The following AP1G1 variants were observed in gnomAD, a reference collection of about 807,000 sequenced individuals.
AP1G1 encodes adaptor related protein complex 1 subunit gamma 1.
In AP1G1, 7 loss-of-function variants were observed where a neutral mutation model predicts 108.3. That is an observed-to-expected ratio of 0.06 (90% CI 0.04 to 0.12). The LOEUF is 0.12. Ranked by LOEUF, AP1G1 falls within the 10% of genes least tolerant of loss-of-function variation. The pLI is 1.00. For missense variants in AP1G1, 756 were observed against 1,010.7 expected, an observed-to-expected ratio of 0.75 and a Z score of 3.42; for synonymous variants, 379 against 353.5, an observed-to-expected ratio of 1.07 and a Z score of -0.81.
chr16:71,746,435 T>C (rs1024355377), intron 17 of AP1G1, among the ~76,000 whole-genome samples, 153 bp downstream of exon 17: 2 of 152,180 alleles, frequency 1.3e-5, no homozygotes, highest in South Asian at 2.1e-4. Context: ...GAATAGAAGA[T>C]GGACAAAACA....
At chr16:71,735,895 C>G (rs958769573) in intron 21 of AP1G1, among the ~76,000 whole-genome samples, 4 of 150,634 alleles carry the variant, frequency 2.7e-5, no homozygotes, top group Admixed American at 6.6e-5. Context: ...CTTTGGGAGG[C>G]CAAGGCGGGC....
At position 71,788,187 on chromosome 16, in the gene AP1G1, G is replaced by A. The variant is rs549082279; in HGVS notation, c.201+1092C>T. On this transcript the variant is annotated intron_variant, in intron 2 of 22. Transcript: ENST00000299980. The stretch of plus-strand genomic sequence containing the variant: ...GAGATCTCCTTCCACTGAAATTACT[G>A]ACCTAAACAGTAAATAAGCTGATGA... Among the ~76,000 whole-genome samples, 12 of 152,214 alleles carry A rather than the reference G, an allele frequency of 7.9e-5. No individual in the cohort carries two copies. In the East Asian group the frequency reaches 2.1e-3, roughly 27 times the overall value.
chr16:71,784,970 G>A (rs2032148760), intron 2 of AP1G1, among the ~76,000 whole-genome samples: 1 of 148,542 alleles, frequency 6.7e-6, no homozygotes, highest in Admixed American at 6.9e-5. Flanking sequence ...ACTAGATACT[G>A]TAGTAAAAAG....
At chr16:71,805,894 G>A (rs756250256) in intron 1 of AP1G1, among the ~76,000 whole-genome samples, 2 of 151,930 alleles carry the variant, frequency 1.3e-5, no homozygotes, top group Non-Finnish European at 1.5e-5. Flanking sequence ...GGTAGCACAC[G>A]CCTGTAGTCC....
chr16:71,739,024 C>A lies in AP1G1; in HGVS notation c.2186G>T (p.Ser729Ile). 3.7e-6 allele frequency: 6 copies of A among 1,614,150 alleles called. No homozygotes were observed. Among genetic ancestry groups the A allele is most frequent in the Non-Finnish European group, 5.1e-6 (6 of 1,180,000 alleles). The part of the protein sequence containing the change: ...FTFERSNTNP[S>I]VTVITIQASN... ...GGCCTGTATCGTTATCACTGTTACA[C>A]TGGGGTTGGTATTTGACCGTTCAAA... Residue 729 changes from serine to isoleucine, a missense_variant, in exon 21 of 23, where the codon AGT becomes ATT. Around this residue, in one of 3 missense-constraint regions of AP1G1, gnomAD observed 95 missense variants for 160.5 expected, o/e 0.59. Transcript: ENST00000299980.
At chr16:71,745,743 A>T (rs141894024) in intron 17 of AP1G1, 129 bp from the exon 18 acceptor site, 2 of 788,724 alleles carry the variant, frequency 2.5e-6, no homozygotes, top group Non-Finnish European at 4.2e-6. Flanking sequence ...ACACACACTA[A>T]AATAGAAGGT....
At chr16:71,789,838 C>T (rs911573430) in intron 1 of AP1G1, among the ~76,000 whole-genome samples, 1 of 152,088 alleles carries the variant, frequency 6.6e-6, no homozygotes, top group African/African-American at 2.4e-5. Flanking sequence ...AGGCCTATGC[C>T]TAACCTTAGA....
intron 1 of AP1G1, among the ~76,000 whole-genome samples, chr16:71,796,253 C>T (rs980153750): frequency 6.6e-6 from 1 of 152,016 alleles, no homozygotes; most frequent in Non-Finnish European, 1.5e-5. Flanking sequence ...AATAATAATA[C>T]AATGAAATAA....
chr16:71,785,136 C>T (rs2032153483), intron 2 of AP1G1, among the ~76,000 whole-genome samples: 1 of 151,616 alleles, frequency 6.6e-6, no homozygotes, highest in South Asian at 2.1e-4. Context: ...ACACTTACAG[C>T]ACATCTCAAT....
At chr16:71,741,770 TCCC>T (rs959142209) in intron 19 of AP1G1, among the ~76,000 whole-genome samples, 2 of 152,074 alleles carry the variant, frequency 1.3e-5, no homozygotes, top group Admixed American at 1.3e-4. Context: ...CGAGAAAATT[TCCC>T]CCAATTCCCA....
chr16:71,766,442 C>T (rs927267879), intron 6 of AP1G1: 6 of 468,774 alleles, frequency 1.3e-5, no homozygotes, highest in Non-Finnish European at 2.2e-5. Flanking sequence ...GCACTCATTT[C>T]ATTTCTGTTG....
At chr16:71,751,812 A>C (rs1344746371) in intron 13 of AP1G1, among the ~76,000 whole-genome samples, 1 of 152,228 alleles carries the variant, frequency 6.6e-6, no homozygotes, top group Non-Finnish European at 1.5e-5. Context: ...AATCATAGAC[A>C]GTATGCTCTT....
chr16:71,795,225 G>C (rs576462721), intron 1 of AP1G1, among the ~76,000 whole-genome samples: 1 of 152,222 alleles, frequency 6.6e-6, no homozygotes, highest in South Asian at 2.1e-4. Context: ...TGGAGCTTCT[G>C]CAACTATGTG....
intron 13 of AP1G1, among the ~76,000 whole-genome samples, chr16:71,750,908 G>A (rs2030459396): frequency 6.6e-6 from 1 of 151,488 alleles, no homozygotes; most frequent in South Asian, 2.1e-4. Context: ...TGTAATCCCA[G>A]CACTTTGGGA....
rs55761928 is a variant in AP1G1 at position 71,794,835 on chromosome 16, C to CTTTTTTTTTTTTTTTT, written c.-3-5369_-3-5354dup. 4.1e-3 allele frequency among the ~76,000 whole-genome samples: 161 copies of CTTTTTTTTTTTTTTTT among 39,664 alleles called. 13 individuals are homozygous for CTTTTTTTTTTTTTTTT. The highest frequency in any genetic ancestry group is 5.1e-3 in the Non-Finnish European group (119 of 23,478). 26.0% of individuals were successfully genotyped at this position (39,664 alleles called of 152,430 possible). On this transcript the variant is annotated intron_variant, in intron 1 of 22. Transcript: ENST00000299980. ...TACCATTCTCAGGCCATGAGAAGTG[C>CTTTTTTTTTTTTTTTT]TTTTTTTTTTTTTTTTTTTTTTTTT...
intron 2 of AP1G1, among the ~76,000 whole-genome samples, chr16:71,783,749 T>C (rs1360111730): frequency 6.6e-6 from 1 of 152,218 alleles, no homozygotes; most frequent in African/African-American, 2.4e-5. Flanking sequence ...TATGGAAATG[T>C]AGATTTCCAT....
intron 2 of AP1G1, among the ~76,000 whole-genome samples, chr16:71,782,199 T>G (rs957593620): frequency 3.3e-5 from 5 of 152,206 alleles, no homozygotes; most frequent in Non-Finnish European, 5.9e-5. Context: ...AGTCTCACTC[T>G]GCCAACCAGG....
intron 6 of AP1G1, among the ~76,000 whole-genome samples, chr16:71,767,565 T>C (rs1204150637): frequency 6.6e-6 from 1 of 152,254 alleles, no homozygotes; most frequent in Admixed American, 6.5e-5. Flanking sequence ...TAATCTGGAA[T>C]TGCCATCACC....
At chr16:71,759,843 T>C (rs989939437) in intron 10 of AP1G1, among the ~76,000 whole-genome samples, 1 of 151,974 alleles carries the variant, frequency 6.6e-6, no homozygotes, top group Non-Finnish European at 1.5e-5. Context: ...TTAAAAGTTT[T>C]CCAAATAGTA....
Sources: gnomAD v4.1 joint callset for allele counts (sites outside exome capture counted in the v4.1 genomes callset) on GRCh38, gnomAD v4.1.1 for gene constraint, gnomAD v4.1.1 regional missense constraint, MANE v1.5 for transcripts, NCBI Gene and HGNC (gene_info 2026-07-23, HGNC 2026-07-21) for gene names.